The following STAU1 variants were observed in gnomAD, a reference collection of about 807,000 sequenced individuals.
STAU1 encodes the protein staufen double-stranded RNA binding protein 1, also known as double-stranded RNA-binding protein Staufen homolog 1.
A neutral mutation model predicts 62.9 loss-of-function variants in STAU1; 13 were observed. That is an observed-to-expected ratio of 0.21 (90% CI 0.13 to 0.33). The LOEUF (loss-of-function observed/expected upper bound fraction) is 0.33. Ranked by LOEUF, STAU1 falls within the 10% of genes least tolerant of loss-of-function variation. The pLI is 1.00. For missense variants in STAU1, 571 were observed against 712.1 expected (o/e 0.80, Z 2.25); for synonymous variants, 269 against 265.1 (o/e 1.01, Z -0.14).
rs1209425724 is a variant in STAU1, at chr20:49,117,691, T to C, written c.1509+86A>G. The C allele has an allele frequency of 2.8e-6, 4 of 1,405,400 alleles. No individual in the cohort carries two copies. The highest frequency in any genetic ancestry group is 3.8e-6 in the Non-Finnish European group (4 of 1,048,930). 87.1% of individuals were successfully genotyped at this position (1,405,400 alleles called of 1,614,324 possible). On this transcript the variant is annotated intron_variant, in intron 11 of 13. Coordinates refer to ENST00000371856, the MANE Select transcript of STAU1 (RefSeq NM_017453.4). This position sits in a 1 kb window ranked among gnomAD's most constrained non-coding sequence, Gnocchi z 4.6. Reference sequence around the variant, plus strand: ...GACAGAACTTGATTTAAGAAAAAAGTACAAAGTTCAAAGTTCATTTTCTGA... The same window carrying C: ...GACAGAACTTGATTTAAGAAAAAAGCACAAAGTTCAAAGTTCATTTTCTGA...
At chr20:49,205,783 TC>T in the STAU1 span, among the ~76,000 whole-genome samples, 12 of 149,250 alleles carry the variant, frequency 8.0e-5, no homozygotes, top group South Asian at 2.1e-4. Context: ...CAAGCGATTC[TC>T]CTGCCTCAGC....
Position 49,158,303 on chromosome 20 carries a change from T to C in STAU1, c.206-4232A>G, listed in dbSNP as rs570913754. 16 of 610,792 alleles carry C rather than the reference T, an allele frequency of 2.6e-5. No homozygotes were observed. The Admixed American group carries it at 5.0e-4, about 19-fold the overall frequency. The allele number at this position is 610,792 out of a possible 1,614,324, so 37.8% of individuals were successfully genotyped here. ...CCGTCTCAAAAAAAGAAAAAATTAATTGAAGCTTTTATTCTTCTGATGTAA... is the reference window on the plus strand; with the variant it reads ...CCGTCTCAAAAAAAGAAAAAATTAACTGAAGCTTTTATTCTTCTGATGTAA... On this transcript the variant is annotated intron_variant, in intron 3 of 13. Coordinates refer to ENST00000371856, the MANE Select transcript of STAU1 (RefSeq NM_017453.4).
intron 3 of STAU1, among the ~76,000 whole-genome samples, chr20:49,157,260 G>A (rs2093374634): frequency 6.6e-6 from 1 of 152,136 alleles, no homozygotes; most frequent in Non-Finnish European, 1.5e-5. Context: ...CACAAATTAA[G>A]ACAATGTTTG....
chr20:49,177,078 A>T (rs923566400), intron 1 of STAU1, among the ~76,000 whole-genome samples: 15 of 151,768 alleles, frequency 9.9e-5, no homozygotes. Flanking sequence ...TGCCCGGCTA[A>T]TTTTTTGTAT....
intron 5 of STAU1, among the ~76,000 whole-genome samples, chr20:49,142,503 G>A (rs1040473165): frequency 4.6e-5 from 7 of 152,112 alleles, no homozygotes; most frequent in Non-Finnish European, 7.3e-5. Context: ...CTACTGCTCC[G>A]TTCTACACCC....
At chr20:49,164,192 T>C (rs973450577) in intron 3 of STAU1, among the ~76,000 whole-genome samples, 1 of 151,484 alleles carries the variant, frequency 6.6e-6, no homozygotes, top group African/African-American at 2.4e-5. Flanking sequence ...ATCACACCAC[T>C]GCACTCCAGC....
chr20:49,172,934 G>A (rs1369311554), intron 2 of STAU1, among the ~76,000 whole-genome samples: 1 of 151,146 alleles, frequency 6.6e-6, no homozygotes, highest in Non-Finnish European at 1.5e-5. Flanking sequence ...CTAGAGTGCA[G>A]TGAAACAATC....
chr20:49,217,149 CA>C, the STAU1 span, among the ~76,000 whole-genome samples: 85 of 152,214 alleles, frequency 5.6e-4, no homozygotes, highest in African/African-American at 2.0e-3. Context: ...GAAAAACAAG[CA>C]ACCCCCCACT....
At chr20:49,129,158 A>G (rs929593460) in intron 6 of STAU1, among the ~76,000 whole-genome samples, 5 of 152,068 alleles carry the variant, frequency 3.3e-5, no homozygotes, top group African/African-American at 1.2e-4. Context: ...ATATTTCATC[A>G]AAGAAAATAG....
chr20:49,142,396 A>T (rs539314315), intron 5 of STAU1, among the ~76,000 whole-genome samples: 13 of 152,208 alleles, frequency 8.5e-5, no homozygotes, highest in East Asian at 1.9e-4. Context: ...CCAAAAAAAA[A>T]TTTTTTTAAA....
Position 49,117,919 on chromosome 20 carries a change from G to A in STAU1, c.1367C>T (p.Ala456Val). The change falls in exon 11 of 14, where the codon GCC (alanine) becomes GTC (valine). Residue 456 changes from alanine to valine, a missense_variant. By Grantham distance (64) the Ala-to-Val change is moderately conservative. Around this residue, in one of 3 missense-constraint regions of STAU1, gnomAD observed 156 missense variants for 194.7 expected, o/e 0.80. Transcript: ENST00000371856. This position sits in a 1 kb window ranked among gnomAD's most constrained non-coding sequence, Gnocchi z 4.6. ...GGTGCCCCCATACAACAACTCTCGG[G>A]CTATCATGGCAGTTACCGTGGCCTT... ...PAKATVTAMI[A>V]RELLYGGTSP... 1 of 1,614,158 alleles carries A rather than the reference G, an allele frequency of 6.2e-7. No individual in the cohort carries two copies. Among genetic ancestry groups the A allele is most frequent in the Non-Finnish European group, 8.5e-7 (1 of 1,180,016 alleles).
chr20:49,178,284 T>G (rs764907103), intron 1 of STAU1, among the ~76,000 whole-genome samples: 9 of 152,132 alleles, frequency 5.9e-5, no homozygotes, highest in Non-Finnish European at 1.2e-4. Flanking sequence ...TATATCTATA[T>G]AGTGCACACT....
the STAU1 span, among the ~76,000 whole-genome samples, chr20:49,211,867 T>A: frequency 1.3e-5 from 2 of 152,226 alleles, no homozygotes; most frequent in East Asian, 3.8e-4. Flanking sequence ...GGCTGTCATA[T>A]GCTAATTCTA....
At chr20:49,158,660 A>G (rs1028870808) in intron 3 of STAU1, among the ~76,000 whole-genome samples, 45 of 152,008 alleles carry the variant, frequency 3.0e-4, no homozygotes, top group African/African-American at 1.0e-3. Flanking sequence ...AAATGCAAAA[A>G]TTAGCCAGGC....
At chr20:49,189,201 C>CAAAAAAAAAAA (rs545643816), upstream of STAU1, among the ~76,000 whole-genome samples, 2 of 33,622 alleles carry the variant, frequency 5.9e-5, no homozygotes, top group Non-Finnish European at 5.2e-5. Flanking sequence ...ACACTGGTCT[C>CAAAAAAAAAAA]AAAAAAAAAA....
At chr20:49,155,136 C>T (rs931150576) in intron 3 of STAU1, among the ~76,000 whole-genome samples, 1 of 151,114 alleles carries the variant, frequency 6.6e-6, no homozygotes, top group Non-Finnish European at 1.5e-5. Context: ...TCAAAAAACA[C>T]AAAGCACACT....
chr20:49,177,308 G>A (rs2093672178), intron 1 of STAU1, among the ~76,000 whole-genome samples: 1 of 152,080 alleles, frequency 6.6e-6, no homozygotes, highest in Non-Finnish European at 1.5e-5. Flanking sequence ...GGCCGAGGCA[G>A]GTGGATCGCT....
At chr20:49,218,899 C>T in the STAU1 span, among the ~76,000 whole-genome samples, 1 of 151,204 alleles carries the variant, frequency 6.6e-6, no homozygotes, top group African/African-American at 2.4e-5. Context: ...GCCTGTACCT[C>T]CAGTTACTCA....
chr20:49,189,606 T>TGA (rs1207743325), upstream of STAU1, among the ~76,000 whole-genome samples: 2 of 119,822 alleles, frequency 1.7e-5, no homozygotes, highest in Non-Finnish European at 3.2e-5. Context: ...GGCAACAGAG[T>TGA]GAGACTCTGT....
Sources: gnomAD v4.1 joint callset for allele counts (sites outside exome capture counted in the v4.1 genomes callset) on GRCh38, gnomAD v4.1.1 for gene constraint, gnomAD v4.1.1 regional missense constraint, Gnocchi (gnomAD v3.1) non-coding constraint, MANE v1.5 for transcripts, NCBI Gene and HGNC (gene_info 2026-07-23, HGNC 2026-07-21) for gene names.